The following SLC1A3 variants were observed in gnomAD, a reference collection of about 807,000 sequenced individuals.
SLC1A3 encodes the protein excitatory amino acid transporter 1.
A neutral mutation model predicts 48.1 loss-of-function variants in SLC1A3; 21 were observed. The ratio of observed to expected loss-of-function variants is 0.44; its 90% CI spans 0.31 to 0.63. The LOEUF is 0.63. SLC1A3 is among the 20% of genes least tolerant of loss of function. The pLI is 0.08. For synonymous variants in SLC1A3, 239 were observed against 251.4 expected, an observed-to-expected ratio of 0.95 and a Z score of 0.47; for missense variants, 546 against 689.0, an observed-to-expected ratio of 0.79 and a Z score of 2.32.
At chr5:36,681,416 T>G (rs1742437274) in intron 8 of SLC1A3, among the ~76,000 whole-genome samples, 1 of 152,246 alleles carries the variant, frequency 6.6e-6, no homozygotes, top group African/African-American at 2.4e-5. Flanking sequence ...CTTGTATAGA[T>G]ACTACTAGAA....
At chr5:36,676,040 C>A (rs1561281839) in intron 5 of SLC1A3, among the ~76,000 whole-genome samples, 1 of 152,136 alleles carries the variant, frequency 6.6e-6, no homozygotes, top group Non-Finnish European at 1.5e-5. Flanking sequence ...GCCAGCATCT[C>A]CTGACTGGGG....
chr5:36,677,288 A>T, intron 6 of SLC1A3, 104 bp downstream of exon 6: 5 of 952,434 alleles, frequency 5.2e-6, no homozygotes, highest in Non-Finnish European at 6.5e-6. Flanking sequence ...GGCCAATTGC[A>T]GTTATCTCAC....
intron 2 of SLC1A3, among the ~76,000 whole-genome samples, chr5:36,620,840 CAAAT>C (rs369329313): frequency 1.3e-5 from 2 of 150,606 alleles, no homozygotes; most frequent in African/African-American, 4.9e-5. Context: ...ACTATTAAAA[CAAAT>C]AAAACCAGCT....
At chr5:36,668,110 C>T (rs897124036) in intron 3 of SLC1A3, 1 of 152,228 alleles carries the variant, frequency 6.6e-6, no homozygotes, top group African/African-American at 2.4e-5. Context: ...TTCCTCCTTC[C>T]CAAACGTTTA....
chr5:36,597,129 C>G (rs753006413), intron 1 of SLC1A3, among the ~76,000 whole-genome samples: 2 of 150,762 alleles, frequency 1.3e-5, no homozygotes, highest in Admixed American at 1.3e-4. Flanking sequence ...GGTGTTACTG[C>G]TCGTTCTGCC....
intron 3 of SLC1A3, among the ~76,000 whole-genome samples, chr5:36,647,859 C>A (rs1162363889): frequency 6.6e-6 from 1 of 152,116 alleles, no homozygotes; most frequent in Non-Finnish European, 1.5e-5. Context: ...ACAGCAGTTT[C>A]TTTTATCACA....
At position 36,610,628 on chromosome 5, in the gene SLC1A3, G is replaced by C. The variant is rs573203427; in HGVS notation, c.181+2024G>C. ...GAAGTTCCTAAGTCATTAGTACAAAGCAATAACATCTCTAATAAAAAGAAG... is the reference window on the plus strand; with the variant it reads ...GAAGTTCCTAAGTCATTAGTACAAACCAATAACATCTCTAATAAAAAGAAG... On this transcript the variant is annotated intron_variant, in intron 2 of 9. Coordinates refer to ENST00000265113, the MANE Select transcript of SLC1A3 (RefSeq NM_004172.5). 6.6e-4 allele frequency among the ~76,000 whole-genome samples: 100 copies of C among 152,238 alleles called. 1 individual carries two copies. Among genetic ancestry groups the C allele is most frequent in the African/African-American group, 2.2e-3 (93 of 41,576 alleles).
intron 2 of SLC1A3, among the ~76,000 whole-genome samples, chr5:36,623,997 G>A (rs1284129318): frequency 2.0e-5 from 3 of 152,106 alleles, no homozygotes; most frequent in East Asian, 3.9e-4. Flanking sequence ...TTTCATTGCT[G>A]GGGTAGAATG....
At chr5:36,666,935 CCT>C (rs1258628805) in intron 3 of SLC1A3, among the ~76,000 whole-genome samples, 1 of 152,180 alleles carries the variant, frequency 6.6e-6, no homozygotes, top group East Asian at 1.9e-4. Flanking sequence ...CCCTTCCTTT[CCT>C]CTCTCTTCCA....
intron 2 of SLC1A3, among the ~76,000 whole-genome samples, chr5:36,615,466 G>A (rs1021267805): frequency 6.6e-5 from 10 of 152,058 alleles, no homozygotes; most frequent in African/African-American, 2.2e-4. Flanking sequence ...ATTCTGGCTG[G>A]TCTCTCCAGT....
chr5:36,659,484 G>A (rs144077346), intron 3 of SLC1A3, among the ~76,000 whole-genome samples: 1 of 152,328 alleles, frequency 6.6e-6, no homozygotes, highest in East Asian at 1.9e-4. Flanking sequence ...CATCACGTAT[G>A]TTAATTTATT....
intron 2 of SLC1A3, among the ~76,000 whole-genome samples, chr5:36,625,518 T>C (rs1739868177): frequency 6.6e-6 from 1 of 152,106 alleles, no homozygotes; most frequent in Non-Finnish European, 1.5e-5. Context: ...TTGTGATGAG[T>C]GTTAAACACC....
intron 2 of SLC1A3, among the ~76,000 whole-genome samples, chr5:36,621,416 C>G (rs1739663167): frequency 6.6e-6 from 1 of 152,032 alleles, no homozygotes; most frequent in Non-Finnish European, 1.5e-5. Flanking sequence ...CAGGAGCACC[C>G]ATTGATTGCA....
At chr5:36,617,769 T>C (rs1211237481) in intron 2 of SLC1A3, among the ~76,000 whole-genome samples, 1 of 152,200 alleles carries the variant, frequency 6.6e-6, no homozygotes, top group African/African-American at 2.4e-5. Flanking sequence ...TGTATGGGCA[T>C]AATATAACTT....
intron 3 of SLC1A3, among the ~76,000 whole-genome samples, chr5:36,651,913 A>G (rs1185919922): frequency 6.6e-6 from 1 of 152,196 alleles, no homozygotes; most frequent in Non-Finnish European, 1.5e-5. Context: ...GGAAGGGCCG[A>G]GGGTCAAAGT....
At chr5:36,671,004 A>T in intron 3 of SLC1A3, 25 bp from the exon 4 acceptor site, 1 of 1,608,476 alleles carries the variant, frequency 6.2e-7, no homozygotes, top group Admixed American at 1.7e-5. Context: ...TGACTTCCTG[A>T]AAATCTTCTG....
At chr5:36,684,311 A>G (rs1742558669) in intron 9 of SLC1A3, among the ~76,000 whole-genome samples, 1 of 152,206 alleles carries the variant, frequency 6.6e-6, no homozygotes, top group Admixed American at 6.5e-5. Context: ...GCTGTTTCTG[A>G]GTTGCACAAC....
chr5:36,676,098 A>T (rs1742196930), intron 5 of SLC1A3, among the ~76,000 whole-genome samples: 3 of 152,216 alleles, frequency 2.0e-5, no homozygotes, highest in Non-Finnish European at 4.4e-5. Flanking sequence ...CCATCTCTTG[A>T]GTTAGAAGAG....
intron 2 of SLC1A3, among the ~76,000 whole-genome samples, chr5:36,628,931 G>A (rs1740019841): frequency 6.6e-6 from 1 of 152,138 alleles, no homozygotes; most frequent in South Asian, 2.1e-4. Context: ...GTGGTGTGAA[G>A]ACAGGGAGAT....
Sources: gnomAD v4.1 joint callset for allele counts (sites outside exome capture counted in the v4.1 genomes callset) on GRCh38, gnomAD v4.1.1 for gene constraint, MANE v1.5 for transcripts, NCBI Gene and HGNC (gene_info 2026-07-23, HGNC 2026-07-21) for gene names.